Variants in STK32B observed in about 807,000 individuals in gnomAD.
STK32B encodes serine/threonine kinase 32B, also known as serine/threonine-protein kinase 32B.
Under a neutral mutation model 52.6 loss-of-function variants are expected in STK32B, and 43 were observed. That is an observed-to-expected ratio of 0.82 (90% CI 0.64 to 1.05). STK32B has a LOEUF of 1.05. Ranked by LOEUF, STK32B falls within the 50% of genes least tolerant of loss-of-function variation. STK32B has a pLI of 0.00. For synonymous variants in STK32B, 238 were observed against 204.3 expected (o/e 1.17, Z -1.41); for missense variants, 621 against 534.6 (o/e 1.16, Z -1.59).
intron 11 of STK32B, among the ~76,000 whole-genome samples, chr4:5,478,934 C>T (rs1419574488): frequency 2.0e-5 from 3 of 152,170 alleles, no homozygotes; most frequent in Admixed American, 2.0e-4. Flanking sequence ...ATTGGCCACG[C>T]CCAGCTGGCA....
At chr4:5,046,608 C>G (rs946041704), upstream of STK32B, among the ~76,000 whole-genome samples, 6 of 152,104 alleles carry the variant, frequency 3.9e-5, no homozygotes, top group African/African-American at 1.4e-4. Flanking sequence ...AGTCTAATAT[C>G]CAGAATTTAT....
chr4:5,055,864 TTTA>T (rs995507775), intron 1 of STK32B, among the ~76,000 whole-genome samples: 2 of 142,178 alleles, frequency 1.4e-5, no homozygotes, highest in Non-Finnish European at 3.1e-5. Context: ...TTTTCCTTGC[TTTA>T]TTTTTTTTTG....
intron 8 of STK32B, among the ~76,000 whole-genome samples, chr4:5,459,109 G>A (rs999165650): frequency 3.3e-5 from 5 of 152,174 alleles, no homozygotes; most frequent in Non-Finnish European, 7.3e-5. Flanking sequence ...ACTGTTTTGG[G>A]ACAGCCCCTA....
chr4:5,266,208 G>A (rs1448536439), intron 3 of STK32B, among the ~76,000 whole-genome samples: 2 of 152,064 alleles, frequency 1.3e-5, no homozygotes, highest in African/African-American at 2.4e-5. Context: ...ACCATCATTC[G>A]GACACATTTT....
intron 2 of STK32B, among the ~76,000 whole-genome samples, chr4:5,151,311 A>G (rs1717347757): frequency 6.6e-6 from 1 of 152,208 alleles, no homozygotes; most frequent in Non-Finnish European, 1.5e-5. Flanking sequence ...CTACATGACT[A>G]TTATTAAAGT....
chr4:5,108,236 G>T (rs1321849169), intron 1 of STK32B, among the ~76,000 whole-genome samples: 1 of 152,186 alleles, frequency 6.6e-6, no homozygotes, highest in Non-Finnish European at 1.5e-5. Context: ...TTATATACCA[G>T]TGTTAGAATA....
intron 7 of STK32B, chr4:5,447,026 G>T (rs1164290840): frequency 5.3e-6 from 2 of 378,574 alleles, no homozygotes; most frequent in African/African-American, 2.0e-5. Context: ...GCCCACAGCG[G>T]ATCAGTGACA....
At chr4:5,457,081 T>C (rs569264652) in intron 8 of STK32B, among the ~76,000 whole-genome samples, 158 bp downstream of exon 8, 1 of 152,268 alleles carries the variant, frequency 6.6e-6, no homozygotes, top group South Asian at 2.1e-4. Flanking sequence ...GAATAAACGC[T>C]GTTATGGGGG....
intron 3 of STK32B, among the ~76,000 whole-genome samples, chr4:5,215,799 C>T (rs1287473391): frequency 6.6e-6 from 1 of 152,170 alleles, no homozygotes; most frequent in Non-Finnish European, 1.5e-5. Flanking sequence ...TTAGACACAG[C>T]TCACCTTGCC....
rs1735726515 is a variant in STK32B, at chr4:5,378,560, G to A, written c.435-19647G>A. 6.6e-6 allele frequency among the ~76,000 whole-genome samples: 1 copy of A among 151,704 alleles called. No homozygotes were observed. Among genetic ancestry groups the A allele is most frequent in the Non-Finnish European group, 1.5e-5 (1 of 67,958 alleles). On this transcript the variant is annotated intron_variant, in intron 4 of 11. Transcript: ENST00000282908. This position sits in a 1 kb window ranked among gnomAD's most constrained non-coding sequence, Gnocchi z 4.4. ...TTTTTGCATTCTATAGTATTGATAG[G>A]GTTTGTTATGCCCTTTGTCTTCTCC...
intron 2 of STK32B, among the ~76,000 whole-genome samples, chr4:5,156,195 T>C (rs1431560020): frequency 6.6e-6 from 1 of 151,756 alleles, no homozygotes; most frequent in Non-Finnish European, 1.5e-5. Flanking sequence ...ACTGAAGTGG[T>C]CTATATGTAC....
chr4:5,294,667 T>C (rs1729081761), intron 3 of STK32B, among the ~76,000 whole-genome samples: 1 of 152,188 alleles, frequency 6.6e-6, no homozygotes, highest in Non-Finnish European at 1.5e-5. Context: ...TCAAGGAGTT[T>C]TTGGACTGAG....
At chr4:5,265,840 T>C (rs9291077) in intron 3 of STK32B, among the ~76,000 whole-genome samples, 2,340 of 152,308 alleles carry the variant, frequency 0.015, 38 homozygotes, top group East Asian at 0.072. Context: ...TTCCTTGTCA[T>C]AGCATTGTGT....
intron 2 of STK32B, among the ~76,000 whole-genome samples, chr4:5,142,104 C>T (rs1162434808): frequency 1.3e-5 from 2 of 152,174 alleles, no homozygotes; most frequent in South Asian, 2.1e-4. Context: ...TTTGGGTGGG[C>T]ACAGAAAAGT....
Position 5,455,735 on chromosome 4 carries a change from G to A in STK32B, c.667-1072G>A, listed in dbSNP as rs184852149. ...GTCGCCATGCTCTGGGACCCTGCTC[G>A]ATGACAGACACTACTGGGGCCCCGA... On this transcript the variant is annotated intron_variant, in intron 7 of 11. Transcript: ENST00000282908. 3.1e-4 allele frequency among the ~76,000 whole-genome samples: 47 copies of A among 152,264 alleles called. No individual in the cohort carries two copies. In the East Asian group the frequency reaches 4.5e-3, roughly 14 times the overall value.
At chr4:5,157,170 T>A (rs983308613) in intron 2 of STK32B, among the ~76,000 whole-genome samples, 1 of 152,092 alleles carries the variant, frequency 6.6e-6, no homozygotes, top group African/African-American at 2.4e-5. Flanking sequence ...ATCTTATTGA[T>A]CTTTCAAGGT....
chr4:5,244,692 C>G (rs1725311566), intron 3 of STK32B, among the ~76,000 whole-genome samples: 1 of 152,054 alleles, frequency 6.6e-6, no homozygotes, highest in Non-Finnish European at 1.5e-5. Context: ...TAGATCTTTC[C>G]TGCTTTCTCT....
intron 3 of STK32B, among the ~76,000 whole-genome samples, chr4:5,324,890 T>C (rs1388857897): frequency 6.6e-6 from 1 of 152,168 alleles, no homozygotes; most frequent in East Asian, 1.9e-4. Flanking sequence ...TAAGCCCAGG[T>C]GAGCACTCAT....
In STK32B at chr4:5,394,282, T is replaced by C. The variant is rs2109040604; in HGVS notation, c.435-3925T>C. On this transcript the variant is annotated intron_variant, in intron 4 of 11. Transcript: ENST00000282908. This position sits in a 1 kb window ranked among gnomAD's most constrained non-coding sequence, Gnocchi z 4.2. The stretch of plus-strand genomic sequence containing the variant: ...GTCATTTTGCCCAACTCTGAAATTA[T>C]GGGTCTGTCCTCAGGAAACATCGTC... Among the ~76,000 whole-genome samples, 1 of 152,336 alleles carries C rather than the reference T, an allele frequency of 6.6e-6. No individual in the cohort carries two copies. The highest frequency in any genetic ancestry group is 2.4e-5 in the African/African-American group (1 of 41,578).
Sources: gnomAD v4.1 joint callset for allele counts (sites outside exome capture counted in the v4.1 genomes callset) on GRCh38, gnomAD v4.1.1 for gene constraint, Gnocchi (gnomAD v3.1) non-coding constraint, MANE v1.5 for transcripts, NCBI Gene and HGNC (gene_info 2026-07-23, HGNC 2026-07-21) for gene names.